Variants in RBFOX1 observed in about 807,000 individuals in gnomAD.
RBFOX1 encodes the protein RNA binding protein fox-1 homolog 1.
Under a neutral mutation model 57.7 loss-of-function variants are expected in RBFOX1, and 8 were observed. That is an observed-to-expected ratio of 0.14 (90% CI 0.08 to 0.25). The LOEUF is 0.25. Ranked by LOEUF, RBFOX1 falls within the 10% of genes least tolerant of loss-of-function variation. The pLI is 1.00. For missense variants in RBFOX1, 611 were observed against 548.5 expected, an observed-to-expected ratio of 1.11 and a Z score of -1.14; for synonymous variants, 326 against 222.4, an observed-to-expected ratio of 1.47 and a Z score of -4.15.
chr16:6,871,995 C>G (rs1203919286), intron 3 of RBFOX1, among the ~76,000 whole-genome samples: 5 of 140,954 alleles, frequency 3.5e-5, no homozygotes, highest in South Asian at 4.7e-4. Flanking sequence ...TCTCTGAAAC[C>G]CTTTGTATAC....
intron 2 of RBFOX1, among the ~76,000 whole-genome samples, chr16:5,473,979 C>T (rs185950370): frequency 1.6e-4 from 24 of 150,934 alleles, no homozygotes; most frequent in African/African-American, 5.4e-4. Context: ...GGATGGTACA[C>T]AGATGGATAG....
At chr16:7,067,659 A>G (rs1426490023) in intron 4 of RBFOX1, among the ~76,000 whole-genome samples, 1 of 149,394 alleles carries the variant, frequency 6.7e-6, no homozygotes, top group Non-Finnish European at 1.5e-5. Context: ...AGCATTAGGT[A>G]TATCTCCCAA....
At chr16:5,900,855 G>T (rs1342936021) in intron 4 of RBFOX1, among the ~76,000 whole-genome samples, 1 of 152,136 alleles carries the variant, frequency 6.6e-6, no homozygotes, top group South Asian at 2.1e-4. Flanking sequence ...CCCGGCCCCA[G>T]AGCCCCTATT....
intron 4 of RBFOX1, among the ~76,000 whole-genome samples, chr16:7,066,734 A>C (rs1216531894): frequency 6.6e-6 from 1 of 152,190 alleles, no homozygotes; most frequent in African/African-American, 2.4e-5. Context: ...TTGGTGGTTG[A>C]AATCATTTCT....
intron 1 of RBFOX1, among the ~76,000 whole-genome samples, chr16:6,193,426 A>ATATATATATATAT (rs1567651821): frequency 4.0e-4 from 39 of 97,240 alleles, no homozygotes; most frequent in Non-Finnish European, 4.6e-4. Context: ...ATATATATAT[A>ATATATATATATAT]AAATTCAGTG....
intron 4 of RBFOX1, among the ~76,000 whole-genome samples, chr16:7,285,227 G>A (rs879679838): frequency 6.6e-6 from 1 of 151,772 alleles, no homozygotes; most frequent in Non-Finnish European, 1.5e-5. Context: ...CAGCTGTAAG[G>A]AATAATACAG....
chr16:6,672,499 A>G (rs1284756091), intron 3 of RBFOX1, among the ~76,000 whole-genome samples: 1 of 151,920 alleles, frequency 6.6e-6, no homozygotes. Flanking sequence ...GGAGGGAGGA[A>G]GAAAGGAAGG....
chr16:5,391,369 G>A (rs1396641716), intron 1 of RBFOX1, among the ~76,000 whole-genome samples: 1 of 152,048 alleles, frequency 6.6e-6, no homozygotes, highest in Non-Finnish European at 1.5e-5. Context: ...TTTCATCTTT[G>A]AGAGGCTGCC....
intron 11 of RBFOX1, among the ~76,000 whole-genome samples, chr16:7,639,734 C>A (rs1346915955): frequency 1.3e-5 from 2 of 152,074 alleles, no homozygotes; most frequent in Non-Finnish European, 2.9e-5. Context: ...AATTAAGTGT[C>A]CCTATTTTCA....
intron 4 of RBFOX1, among the ~76,000 whole-genome samples, chr16:5,986,330 C>T (rs2060285358): frequency 6.6e-6 from 1 of 152,216 alleles, no homozygotes; most frequent in South Asian, 2.1e-4. Context: ...TCCCATAGTG[C>T]TGGGATTACA....
intron 2 of RBFOX1, among the ~76,000 whole-genome samples, chr16:6,507,266 C>T (rs1036413152): frequency 6.6e-6 from 1 of 152,050 alleles, no homozygotes; most frequent in Non-Finnish European, 1.5e-5. Flanking sequence ...CAACTATACA[C>T]CCATTTTCAT....
At chr16:5,369,717 T>C (rs995539783) in intron 1 of RBFOX1, among the ~76,000 whole-genome samples, 1 of 152,190 alleles carries the variant, frequency 6.6e-6, no homozygotes, top group Non-Finnish European at 1.5e-5. Context: ...TCAGTCAGGA[T>C]CCTTTGTGTG....
chr16:7,430,693 G>A (rs1353109311), intron 4 of RBFOX1, among the ~76,000 whole-genome samples: 1 of 151,394 alleles, frequency 6.6e-6, no homozygotes, highest in Non-Finnish European at 1.5e-5. Flanking sequence ...CCCATTCTGT[G>A]TTTCATCAAG....
chr16:6,733,938 A>G (rs946527691), intron 3 of RBFOX1, among the ~76,000 whole-genome samples: 6 of 152,186 alleles, frequency 3.9e-5, no homozygotes, highest in Admixed American at 3.9e-4. Context: ...TAGTCTGAAT[A>G]GCATCGTTGT....
chr16:6,548,048 G>A (rs56253018), intron 2 of RBFOX1, among the ~76,000 whole-genome samples: 5 of 152,088 alleles, frequency 3.3e-5, no homozygotes, highest in East Asian at 1.9e-4. Flanking sequence ...ACTATTCATC[G>A]TAGTAAGAAT....
chr16:7,543,054 G>C (rs553866279), intron 5 of RBFOX1, among the ~76,000 whole-genome samples: 1 of 152,286 alleles, frequency 6.6e-6, no homozygotes, highest in African/African-American at 2.4e-5. Flanking sequence ...AATCCTATAG[G>C]TGGGGGAAAG....
chr16:5,648,998 A>T (rs1382615233), intron 3 of RBFOX1, among the ~76,000 whole-genome samples: 2 of 151,960 alleles, frequency 1.3e-5, no homozygotes, highest in African/African-American at 2.4e-5. Context: ...TAGGAGGTGG[A>T]GGTTGCAGTA....
At chr16:5,829,413 G>C (rs540405027) in intron 3 of RBFOX1, among the ~76,000 whole-genome samples, 1 of 152,316 alleles carries the variant, frequency 6.6e-6, no homozygotes, top group Admixed American at 6.5e-5. Context: ...AACAGAGGAG[G>C]TTGTTGAAAT....
chr16:7,017,199 G>C (rs2093960126), intron 3 of RBFOX1, among the ~76,000 whole-genome samples: 9 of 152,126 alleles, frequency 5.9e-5, no homozygotes, highest in Admixed American at 5.9e-4. Context: ...TCAAGTGTTG[G>C]CGAAGTTTCC....
Sources: gnomAD v4.1 joint callset for allele counts (sites outside exome capture counted in the v4.1 genomes callset) on GRCh38, gnomAD v4.1.1 for gene constraint, MANE v1.5 for transcripts, NCBI Gene and HGNC (gene_info 2026-07-23, HGNC 2026-07-21) for gene names.